SYBU: variants seen among roughly 807,000 people sequenced by gnomAD.
SYBU encodes the protein syntabulin.
In SYBU, 21 loss-of-function variants were observed where a neutral mutation model predicts 35.9. The observed-to-expected ratio is 0.58, with a 90% CI of 0.41 to 0.84. The LOEUF is 0.84. Ranked by LOEUF, SYBU falls within the 40% of genes least tolerant of loss-of-function variation. The probability of loss-of-function intolerance (pLI) is 0.00; values close to 1 mark genes in which losing one functional copy is unlikely to be tolerated. For synonymous variants in SYBU, 319 were observed against 324.3 expected (o/e 0.98, Z 0.18); for missense variants, 768 against 848.2 (o/e 0.91, Z 1.17).
chr8:109,645,198 C>T, upstream of SYBU: 3 of 456,840 alleles, frequency 6.6e-6, no homozygotes, highest in South Asian at 4.6e-5. Flanking sequence ...AAGTTTTCCC[C>T]TGGCCACCCC....
At chr8:109,592,593 C>T (rs1486316250) in intron 3 of SYBU, among the ~76,000 whole-genome samples, 2 of 152,196 alleles carry the variant, frequency 1.3e-5, no homozygotes, top group African/African-American at 2.4e-5. Flanking sequence ...CTTGGGCTGG[C>T]TCAGCTACCT....
chr8:109,611,424 T>C (rs1440252690), intron 3 of SYBU, among the ~76,000 whole-genome samples: 3 of 148,568 alleles, frequency 2.0e-5, no homozygotes, highest in South Asian at 4.4e-4. Flanking sequence ...AGAGAAAATA[T>C]GTAACCCTGC....
intron 4 of SYBU, chr8:109,585,730 T>G (rs1586743879): frequency 4.7e-6 from 1 of 213,542 alleles, no homozygotes; most frequent in East Asian, 1.1e-4. Context: ...AGAGGGGAGG[T>G]AGGAGGGAAG....
intron 3 of SYBU, among the ~76,000 whole-genome samples, chr8:109,612,653 G>A (rs1163589613): frequency 6.6e-6 from 1 of 152,182 alleles, no homozygotes; most frequent in African/African-American, 2.4e-5. Context: ...AGCGCTACAA[G>A]TGATAAAAGC....
rs529611854 is a variant in SYBU at position 109,608,197 on chromosome 8, C to T, written c.427+10645G>A. 1.1e-3 allele frequency: 462 copies of T among 434,012 alleles called. 3 individuals carry two copies. Among genetic ancestry groups the T allele is most frequent in the East Asian group, 0.011 (304 of 28,690 alleles). 26.9% of individuals were successfully genotyped at this position (434,012 alleles called of 1,614,324 possible). On this transcript the variant is annotated intron_variant, in intron 3 of 6. Coordinates refer to ENST00000276646, the MANE Select transcript of SYBU (RefSeq NM_001099754.2). ...GACTGCAGTGTTCCAATGAAACCAT[C>T]GCCCTCATGAATGGACACAAAGGAT...
At chr8:109,616,647 T>A (rs554268492) in intron 3 of SYBU, among the ~76,000 whole-genome samples, 63 of 151,952 alleles carry the variant, frequency 4.1e-4, no homozygotes, top group Non-Finnish European at 1.8e-4. Context: ...AAAAATAAAA[T>A]CATTACAGGT....
At chr8:109,671,435 G>T (rs1792692563) in intron 1 of SYBU, among the ~76,000 whole-genome samples, 1 of 152,112 alleles carries the variant, frequency 6.6e-6, no homozygotes, top group Non-Finnish European at 1.5e-5. Context: ...TTCAGTGGGG[G>T]CTGGAGGGAA....
intron 3 of SYBU, among the ~76,000 whole-genome samples, chr8:109,615,471 T>C (rs923614591): frequency 5.3e-5 from 8 of 152,168 alleles, no homozygotes; most frequent in African/African-American, 1.9e-4. Flanking sequence ...ACAGGTTTTT[T>C]CTGCTAAAAG....
intron 3 of SYBU, among the ~76,000 whole-genome samples, chr8:109,606,950 TAATA>T (rs1325091080): frequency 1.3e-5 from 2 of 152,242 alleles, no homozygotes; most frequent in Admixed American, 6.5e-5. Context: ...TCTCTTATAC[TAATA>T]TAGTATATGT....
chr8:109,650,301 ATT>A (rs1816072141), intron 1 of SYBU, among the ~76,000 whole-genome samples: 3 of 152,186 alleles, frequency 2.0e-5, no homozygotes, highest in Admixed American at 2.0e-4. Flanking sequence ...TATTTCCATG[ATT>A]TTATATTTTT....
At chr8:109,631,506 T>A (rs926881072) in intron 2 of SYBU, among the ~76,000 whole-genome samples, 2 of 152,034 alleles carry the variant, frequency 1.3e-5, no homozygotes, top group East Asian at 3.9e-4. Flanking sequence ...CCAGGTGAGG[T>A]AAGCTCCATT....
chr8:109,596,275 C>T (rs1445492240), intron 3 of SYBU, among the ~76,000 whole-genome samples: 1 of 152,224 alleles, frequency 6.6e-6, no homozygotes, highest in Non-Finnish European at 1.5e-5. Flanking sequence ...CTGGATTAAT[C>T]ATAATTCTTG....
At position 109,575,822 on chromosome 8, in the gene SYBU, A is replaced by C; in HGVS notation, c.1076T>G (p.Phe359Cys). The C allele has an allele frequency of 6.2e-7, 1 of 1,614,088 alleles. No individual in the cohort carries two copies. Among genetic ancestry groups the C allele is most frequent in the Non-Finnish European group, 8.5e-7 (1 of 1,179,988 alleles). Reference protein sequence around the residue: ...ADKDKGIQKYFVDINIQNKKL... With the variant: ...ADKDKGIQKYCVDINIQNKKL... ...CTTGTTTTGGATGTTTATGTCCACA[A>C]AATATTTCTGAATGCCTTTATCTTT... Residue 359 changes from phenylalanine to cysteine, a missense_variant, in exon 7 of 7, where the codon TTT becomes TGT. Phe to Cys is a radical substitution (Grantham distance 205). Transcript: ENST00000276646.
rs73304535 is a variant in SYBU, at chr8:109,679,755, A to C, written c.-129+956T>G. On this transcript the variant is annotated intron_variant, in intron 1 of 5. Transcript: ENST00000408889. ...ATTTCTGAATGCCTGCAAAAATATT[A>C]TAAGTCTTGCTAGAGATAAAACTGC... is the stretch of plus-strand genomic sequence containing the variant. Among the ~76,000 whole-genome samples the C allele has an allele frequency of 5.6e-3, 853 of 152,330 alleles. 5 individuals carry two copies. The highest frequency in any genetic ancestry group is 0.019 in the African/African-American group (809 of 41,566).
intron 1 of SYBU, among the ~76,000 whole-genome samples, chr8:109,661,734 G>C (rs1423455015): frequency 1.3e-5 from 2 of 152,178 alleles, no homozygotes; most frequent in Non-Finnish European, 2.9e-5. Context: ...TAAATATTAA[G>C]GGTGTGCACT....
chr8:109,651,654 T>C (rs946551257), intron 1 of SYBU, among the ~76,000 whole-genome samples: 2 of 152,062 alleles, frequency 1.3e-5, no homozygotes, highest in African/African-American at 4.8e-5. Flanking sequence ...CAGTAATTAG[T>C]TCATAATACA....
At chr8:109,671,112 T>C (rs1165152602) in intron 1 of SYBU, among the ~76,000 whole-genome samples, 1 of 152,216 alleles carries the variant, frequency 6.6e-6, no homozygotes, top group Non-Finnish European at 1.5e-5. Context: ...TTCAAATGTG[T>C]AATGTTGGTT....
chr8:109,625,935 C>T (rs1812932945), intron 2 of SYBU, among the ~76,000 whole-genome samples: 1 of 152,128 alleles, frequency 6.6e-6, no homozygotes, highest in Non-Finnish European at 1.5e-5. Context: ...GAACATACTC[C>T]ACTTATTAAA....
chr8:109,598,121 T>C (rs1825104178), intron 3 of SYBU, among the ~76,000 whole-genome samples: 1 of 152,222 alleles, frequency 6.6e-6, no homozygotes, highest in Admixed American at 6.5e-5. Context: ...ATGCTAAAGT[T>C]TGAGGACCAC....
Sources: allele counts gnomAD v4.1 joint callset (sites outside exome capture counted in the v4.1 genomes callset), GRCh38; gene constraint gnomAD v4.1.1; transcripts MANE v1.5; gene names NCBI Gene and HGNC (gene_info 2026-07-23, HGNC 2026-07-21).